Variants in PTPRA observed in about 807,000 individuals in gnomAD.
The protein encoded by PTPRA is protein tyrosine phosphatase receptor type A.
A neutral mutation model predicts 104.8 loss-of-function variants in PTPRA; 25 were observed. The ratio of observed to expected loss-of-function variants is 0.24; its 90% CI spans 0.17 to 0.33. The LOEUF (loss-of-function observed/expected upper bound fraction) is 0.33. PTPRA is among the 10% of genes least tolerant of loss of function. The pLI is 1.00. For synonymous variants in PTPRA, 323 were observed against 368.9 expected (o/e 0.88, Z 1.43); for missense variants, 765 against 1,015.3 (o/e 0.75, Z 3.35).
At chr20:2,910,064 TAA>T (rs1200881801) in intron 1 of PTPRA, among the ~76,000 whole-genome samples, 44 of 123,962 alleles carry the variant, frequency 3.5e-4, no homozygotes, top group Non-Finnish European at 1.1e-4. Flanking sequence ...ATATCATATA[TAA>T]TATATATGAT....
At chr20:2,918,991 C>G (rs1164299710) in intron 1 of PTPRA, among the ~76,000 whole-genome samples, 1 of 152,138 alleles carries the variant, frequency 6.6e-6, no homozygotes, top group African/African-American at 2.4e-5. Context: ...GTGCATTGTA[C>G]AATTTGATAC....
chr20:2,957,725 T>A (rs1274036136), intron 3 of PTPRA, among the ~76,000 whole-genome samples: 1 of 151,996 alleles, frequency 6.6e-6, no homozygotes. Context: ...GACTGGGGAG[T>A]TAAGGGTGTC....
chr20:2,991,365 C>CAA (rs149732091), intron 9 of PTPRA, among the ~76,000 whole-genome samples: 4 of 101,308 alleles, frequency 3.9e-5, no homozygotes, highest in Admixed American at 1.1e-4. Flanking sequence ...AACTCCATCT[C>CAA]AAAAAAAAAA....
upstream of PTPRA, among the ~76,000 whole-genome samples, chr20:2,869,768 C>G (rs1280523914): frequency 9.2e-5 from 14 of 152,078 alleles, no homozygotes; most frequent in Non-Finnish European, 1.5e-5. Context: ...GAGTTTGAGA[C>G]CAGCCTGGCC....
intron 1 of PTPRA, among the ~76,000 whole-genome samples, chr20:2,921,981 G>T (rs909823308): frequency 3.3e-5 from 5 of 152,150 alleles, no homozygotes; most frequent in African/African-American, 1.2e-4. Context: ...CCTGTGATTT[G>T]TAAGATGCTT....
chr20:3,002,741 A>T (rs2063694326), intron 9 of PTPRA, among the ~76,000 whole-genome samples: 1 of 152,156 alleles, frequency 6.6e-6, no homozygotes, highest in Non-Finnish European at 1.5e-5. Flanking sequence ...ATACAATAAC[A>T]AGTAATTCTT....
At chr20:2,889,441 A>G (rs1397357055) in intron 1 of PTPRA, among the ~76,000 whole-genome samples, 1 of 152,212 alleles carries the variant, frequency 6.6e-6, no homozygotes, top group Non-Finnish European at 1.5e-5. Flanking sequence ...CTCTTGGGCA[A>G]TCTGTGATAC....
intron 9 of PTPRA, among the ~76,000 whole-genome samples, chr20:2,993,547 C>T (rs2063277003): frequency 6.6e-6 from 1 of 152,160 alleles, no homozygotes; most frequent in Non-Finnish European, 1.5e-5. Context: ...TCAAGTAGTC[C>T]ACACAACTTA....
intron 3 of PTPRA, among the ~76,000 whole-genome samples, chr20:2,948,350 C>T (rs1304478203): frequency 1.3e-5 from 2 of 152,106 alleles, no homozygotes; most frequent in Non-Finnish European, 2.9e-5. Flanking sequence ...GGGGTTTTAG[C>T]CACTTAAGTT....
At chr20:2,978,812 T>C (rs575402307) in intron 6 of PTPRA, among the ~76,000 whole-genome samples, 1 of 152,338 alleles carries the variant, frequency 6.6e-6, no homozygotes, top group South Asian at 2.1e-4. Context: ...TGAATGAACA[T>C]GGCCATGTTC....
At chr20:2,958,305 C>T (rs1057200590) in intron 3 of PTPRA, among the ~76,000 whole-genome samples, 2 of 152,032 alleles carry the variant, frequency 1.3e-5, no homozygotes, top group African/African-American at 2.4e-5. Flanking sequence ...ATCTGGAGTA[C>T]AGCCATTGTC....
At chr20:2,985,217 A>G (rs750207543) in intron 6 of PTPRA, among the ~76,000 whole-genome samples, 4 of 152,238 alleles carry the variant, frequency 2.6e-5, no homozygotes, top group Non-Finnish European at 5.9e-5. Flanking sequence ...CTGGCTGAGC[A>G]GTTTAAACAG....
intron 5 of PTPRA, among the ~76,000 whole-genome samples, chr20:2,974,991 A>G (rs917246148): frequency 6.6e-6 from 1 of 152,120 alleles, no homozygotes; most frequent in African/African-American, 2.4e-5. Flanking sequence ...GCATTCTCAT[A>G]CTTTTTATGA....
At chr20:2,945,740 C>T (rs747963354) in intron 2 of PTPRA, among the ~76,000 whole-genome samples, 1 of 151,754 alleles carries the variant, frequency 6.6e-6, no homozygotes, top group Non-Finnish European at 1.5e-5. Flanking sequence ...GCCAGCCTTG[C>T]CAACATGGTG....
chr20:2,923,970 C>T (rs1173654175), intron 2 of PTPRA, among the ~76,000 whole-genome samples: 2 of 152,026 alleles, frequency 1.3e-5, no homozygotes, highest in African/African-American at 2.4e-5. Context: ...ATCTAATAAC[C>T]CAGGAATTTC....
intron 1 of PTPRA, among the ~76,000 whole-genome samples, chr20:2,913,012 CAG>C (rs1180348505): frequency 6.6e-6 from 1 of 152,066 alleles, no homozygotes; most frequent in East Asian, 1.9e-4. Flanking sequence ...AGAATAGTTA[CAG>C]AGTCTTTTCG....
intron 9 of PTPRA, among the ~76,000 whole-genome samples, chr20:2,990,657 C>G (rs899036158): frequency 6.6e-6 from 1 of 152,090 alleles, no homozygotes; most frequent in African/African-American, 2.4e-5. Flanking sequence ...CTTGAGCCTG[C>G]GGGGTGGAGG....
In PTPRA at chr20:3,038,266, A is replaced by G; in HGVS notation, c.*133A>G. On this transcript the variant is annotated 3_prime_UTR_variant, in exon 24 of 24. Transcript: ENST00000399903. ...ATTGGTACATAGGCTTCTATTACCT[A>G]TTAGGTGGAAATTTTATATGTAAAT... The G allele has an allele frequency of 1.3e-6, 1 of 778,158 alleles. No homozygotes were observed. The highest frequency in any genetic ancestry group is 2.1e-6 in the Non-Finnish European group (1 of 487,148). 48.2% of individuals were successfully genotyped at this position (778,158 alleles called of 1,614,324 possible).
At chr20:3,000,101 C>T (rs908183395) in intron 9 of PTPRA, among the ~76,000 whole-genome samples, 3 of 151,850 alleles carry the variant, frequency 2.0e-5, no homozygotes, top group East Asian at 3.9e-4. Context: ...CTGGCCAACA[C>T]GGTGAGACCC....
Sources: allele counts gnomAD v4.1 joint callset (sites outside exome capture counted in the v4.1 genomes callset), GRCh38; gene constraint gnomAD v4.1.1; transcripts MANE v1.5; gene names NCBI Gene and HGNC (gene_info 2026-07-23, HGNC 2026-07-21).